Variants in TEX9 observed in about 807,000 individuals in gnomAD.
TEX9 encodes the protein testis-expressed protein 9.
Under a neutral mutation model 59.6 loss-of-function variants are expected in TEX9, and 74 were observed. The ratio of observed to expected loss-of-function variants is 1.24; its 90% CI spans 1.03 to 1.51. TEX9 has a LOEUF of 1.51. TEX9 is among the 40% of genes most tolerant of loss of function. The pLI, the probability that TEX9 is intolerant of heterozygous loss-of-function variation, is 0.00. For synonymous variants in TEX9, 186 were observed against 152.2 expected, an observed-to-expected ratio of 1.22 and a Z score of -1.64; for missense variants, 522 against 447.8, an observed-to-expected ratio of 1.17 and a Z score of -1.49.
chr15:56,364,682 C>T (rs959098342), upstream of TEX9, among the ~76,000 whole-genome samples: 26 of 152,104 alleles, frequency 1.7e-4, no homozygotes, highest in African/African-American at 5.3e-4. Context: ...AGTTGTCTCC[C>T]CATCTGTTGA....
At chr15:56,315,140 G>A (rs1321058430) in intron 1 of TEX9, among the ~76,000 whole-genome samples, 1 of 147,720 alleles carries the variant, frequency 6.8e-6, no homozygotes, top group Non-Finnish European at 1.5e-5. Flanking sequence ...GGAGAATTTA[G>A]TCCATTTACA....
intron 1 of TEX9, among the ~76,000 whole-genome samples, chr15:56,256,754 A>G (rs2044153879): frequency 6.6e-6 from 1 of 151,952 alleles, no homozygotes; most frequent in South Asian, 2.1e-4. Context: ...ATTTAAGCTA[A>G]TTTTTACTTA....
At chr15:56,355,190 T>G (rs1426138285) in intron 1 of TEX9, among the ~76,000 whole-genome samples, 1 of 152,142 alleles carries the variant, frequency 6.6e-6, no homozygotes, top group African/African-American at 2.4e-5. Flanking sequence ...TAACTTAATA[T>G]TAGTGAAATA....
At chr15:56,266,704 A>G (rs1487435794) in intron 1 of TEX9, among the ~76,000 whole-genome samples, 1 of 152,002 alleles carries the variant, frequency 6.6e-6, no homozygotes, top group Non-Finnish European at 1.5e-5. Flanking sequence ...TGTGTGCCAT[A>G]TTTTCTTAAT....
At chr15:56,394,811 C>A (rs1182279865) in exon 9 of TEX9, 1 of 1,611,308 alleles carries the variant, frequency 6.2e-7, no homozygotes, top group Admixed American at 1.7e-5. Flanking sequence ...TGGATTACAG[C>A]AACAGTTGTC....
At chr15:56,248,469 T>A (rs1029686539) in intron 1 of TEX9, among the ~76,000 whole-genome samples, 3 of 152,176 alleles carry the variant, frequency 2.0e-5, no homozygotes, top group Non-Finnish European at 4.4e-5. Flanking sequence ...TTCTTTCAAG[T>A]ACCTTTGCTT....
At chr15:56,297,813 A>C (rs1346232973) in intron 1 of TEX9, among the ~76,000 whole-genome samples, 2 of 152,202 alleles carry the variant, frequency 1.3e-5, no homozygotes, top group African/African-American at 4.8e-5. Context: ...CCACTACAAA[A>C]TTTCTAAATT....
chr15:56,434,104 T>C, intron 12 of TEX9: 2 of 1,596,592 alleles, frequency 1.3e-6, no homozygotes, highest in Non-Finnish European at 8.5e-7. Context: ...TGTTTAATGA[T>C]AATGACCAAA....
chr15:56,245,320 G>A (rs12440142), intron 1 of TEX9, among the ~76,000 whole-genome samples: 26,912 of 152,106 alleles, frequency 0.18, 2,682 homozygotes, highest in South Asian at 0.3. Flanking sequence ...GGGGGTGCAG[G>A]GAGGAAGAAC....
At chr15:56,406,552 T>G (rs1425268323) in intron 9 of TEX9, among the ~76,000 whole-genome samples, 2 of 152,200 alleles carry the variant, frequency 1.3e-5, no homozygotes, top group African/African-American at 4.8e-5. Context: ...TGTACCATTT[T>G]ACATTCCCAC....
chr15:56,316,117 T>C (rs60058313), intron 1 of TEX9, among the ~76,000 whole-genome samples: 6,718 of 146,324 alleles, frequency 0.046, 631 homozygotes, highest in East Asian at 0.37. Context: ...TAGCTCAGAG[T>C]AATTTGATCG....
At chr15:56,273,877 T>C (rs1234296857) in intron 1 of TEX9, among the ~76,000 whole-genome samples, 1 of 152,232 alleles carries the variant, frequency 6.6e-6, no homozygotes, top group African/African-American at 2.4e-5. Flanking sequence ...TATCGTTCAC[T>C]TTTAGCACTT....
chr15:56,244,288 T>A (rs1377044216), intron 1 of TEX9: 1 of 152,268 alleles, frequency 6.6e-6, no homozygotes, highest in Non-Finnish European at 1.5e-5. Context: ...GGTAAGACGA[T>A]AAACTGACTT....
At chr15:56,456,297 T>C in the TEX9 span, 1 of 1,112,052 alleles carries the variant, frequency 9.0e-7, no homozygotes, top group African/African-American at 1.6e-5. Flanking sequence ...CTAAGTGAAA[T>C]GACATAAACA....
intron 1 of TEX9, among the ~76,000 whole-genome samples, chr15:56,317,150 C>A (rs769775416): frequency 6.6e-6 from 1 of 152,194 alleles, no homozygotes; most frequent in Non-Finnish European, 1.5e-5. Context: ...CGGAGCTGTT[C>A]CTATTTGGCC....
chr15:56,306,030 A>G (rs1277395178), intron 1 of TEX9, among the ~76,000 whole-genome samples: 1 of 152,182 alleles, frequency 6.6e-6, no homozygotes, highest in Non-Finnish European at 1.5e-5. Context: ...CATGCTCAAT[A>G]GAAATGCAAA....
At chr15:56,405,264 G>A (rs920509079) in intron 9 of TEX9, among the ~76,000 whole-genome samples, 2 of 148,702 alleles carry the variant, frequency 1.3e-5, no homozygotes, top group East Asian at 2.0e-4. Context: ...CCTAGATGTC[G>A]CCACTGCACT....
intron 1 of TEX9, among the ~76,000 whole-genome samples, chr15:56,347,225 A>C (rs1334441717): frequency 1.3e-5 from 2 of 152,208 alleles, no homozygotes; most frequent in Admixed American, 6.5e-5. Flanking sequence ...GATATAAATG[A>C]GATTATTCTA....
chr15:56,271,338 T>C (rs2044525721), intron 1 of TEX9, among the ~76,000 whole-genome samples: 1 of 152,242 alleles, frequency 6.6e-6, no homozygotes, highest in Non-Finnish European at 1.5e-5. Context: ...TCGTTTCTTT[T>C]TACTCTTTTT....
Sources: allele counts gnomAD v4.1 joint callset (sites outside exome capture counted in the v4.1 genomes callset), GRCh38; gene constraint gnomAD v4.1.1; transcripts MANE v1.5; gene names NCBI Gene and HGNC (gene_info 2026-07-23, HGNC 2026-07-21).